The following IGSF5 variants were observed in gnomAD, a reference collection of about 807,000 sequenced individuals.
IGSF5 encodes immunoglobulin superfamily 5 like.
Under a neutral mutation model 39.4 loss-of-function variants are expected in IGSF5, and 41 were observed. That is an observed-to-expected ratio of 1.04 (90% confidence interval 0.81 to 1.35). The LOEUF (loss-of-function observed/expected upper bound fraction) is 1.35, where lower values mean the gene tolerates loss of function less well. Among genes scored for constraint, IGSF5 ranks in the 40% most tolerant of loss-of-function variants. IGSF5 has a pLI of 0.00. For synonymous variants in IGSF5, 183 were observed against 175.3 expected (o/e 1.04, Z -0.34); for missense variants, 487 against 494.6 (o/e 0.98, Z 0.15).
intron 2 of IGSF5, among the ~76,000 whole-genome samples, chr21:39,754,421 C>T (rs1291845072): frequency 6.6e-6 from 1 of 152,178 alleles, no homozygotes; most frequent in Non-Finnish European, 1.5e-5. Context: ...GAGCTTCTTG[C>T]CGTTGCCCCA....
In IGSF5 at chr21:39,763,459, C is replaced by T. The variant is rs144652826; in HGVS notation, c.101-2076C>T. Among the ~76,000 whole-genome samples the T allele has an allele frequency of 8.2e-3, 1,244 of 152,312 alleles. 5 individuals carry two copies. The highest frequency in any genetic ancestry group is 0.013 in the Admixed American group (202 of 15,306). On this transcript the variant is annotated intron_variant, in intron 2 of 8. Transcript: ENST00000380588. ...GCTCCCTCCTCCCTCCTTTTCATCT[C>T]CCAGCTGCAGAATAGGGTTATTTGG...
chr21:39,760,835 G>C (rs1255969205), intron 2 of IGSF5, among the ~76,000 whole-genome samples: 1 of 152,184 alleles, frequency 6.6e-6, no homozygotes, highest in Non-Finnish European at 1.5e-5. Context: ...CTACCAAAGT[G>C]CTGGGATTAC....
chr21:39,743,395 A>C (rs1429376335), upstream of IGSF5, among the ~76,000 whole-genome samples: 1 of 152,246 alleles, frequency 6.6e-6, no homozygotes, highest in Non-Finnish European at 1.5e-5. Context: ...GTAAAACATC[A>C]ATATAGCCAT....
the IGSF5 span, among the ~76,000 whole-genome samples, chr21:39,731,337 C>A: frequency 2.0e-5 from 3 of 151,936 alleles, no homozygotes; most frequent in Non-Finnish European, 4.4e-5. Flanking sequence ...GAATCTGAAC[C>A]CTGTGAGTGC....
At chr21:39,757,650 C>T (rs964258102) in intron 2 of IGSF5, among the ~76,000 whole-genome samples, 3 of 151,066 alleles carry the variant, frequency 2.0e-5, no homozygotes, top group Non-Finnish European at 2.9e-5. Flanking sequence ...GATCTCTGCT[C>T]ACTGCAACCT....
chr21:39,721,171 T>G, the IGSF5 span, among the ~76,000 whole-genome samples: 2 of 152,250 alleles, frequency 1.3e-5, no homozygotes, highest in Non-Finnish European at 2.9e-5. Context: ...AGGGAGACTC[T>G]GAAGTCAATG....
At chr21:39,779,445 C>T (rs1239663873) in intron 5 of IGSF5, 140 bp downstream of exon 5, 1 of 1,125,962 alleles carries the variant, frequency 8.9e-7, no homozygotes, top group African/African-American at 1.6e-5. Context: ...TGTGGTTGCA[C>T]ACTGTTGGTG....
chr21:39,788,287 GGA>G (rs2086936480), intron 6 of IGSF5, 99 bp downstream of exon 6: 14 of 877,998 alleles, frequency 1.6e-5, no homozygotes, highest in Non-Finnish European at 2.5e-5. Context: ...CGGGATTTTT[GGA>G]TTTATGTTAT....
chr21:39,787,579 TG>T (rs1302955841), intron 5 of IGSF5, among the ~76,000 whole-genome samples: 1 of 100,598 alleles, frequency 9.9e-6, no homozygotes, highest in East Asian at 2.9e-4. Flanking sequence ...TTTGGTGGGG[TG>T]GGGGCACAAC....
chr21:39,732,744 A>C, the IGSF5 span, among the ~76,000 whole-genome samples: 1 of 152,324 alleles, frequency 6.6e-6, no homozygotes, highest in Non-Finnish European at 1.5e-5. Flanking sequence ...TATAATTCCA[A>C]GCCGGGAGTG....
intron 2 of IGSF5, among the ~76,000 whole-genome samples, chr21:39,764,347 T>C (rs1350818904): frequency 6.6e-6 from 1 of 152,178 alleles, no homozygotes; most frequent in African/African-American, 2.4e-5. Context: ...AGAACCTGCC[T>C]TGCCATTTTT....
Position 39,801,289 on chromosome 21 carries a change from G to T in IGSF5, c.1156G>T (p.Ala386Ser). 1.2e-6 allele frequency: 2 copies of T among 1,614,104 alleles called. No individual in the cohort carries two copies. Among genetic ancestry groups the T allele is most frequent in the South Asian group, 2.2e-5 (2 of 91,064 alleles). ...GGCTGATCAACGTCCACCCAGGCCAGCAAGTCATCCACAGGCTTCTTTTAA... is the reference window on the plus strand; with the variant it reads ...GGCTGATCAACGTCCACCCAGGCCATCAAGTCATCCACAGGCTTCTTTTAA... ...QRADQRPPRP[A>S]SHPQASFNLA... Residue 386 changes from alanine to serine, a missense_variant, in exon 9 of 9, where the codon GCA becomes TCA. Physicochemically the swap from Ala to Ser is moderately conservative, Grantham distance 99. Transcript: ENST00000380588.
chr21:39,765,806 C>T lies in IGSF5; in HGVS notation c.372C>T (p.Ser124=), dbSNP rs758926676. The T allele has an allele frequency of 8.1e-6, 13 of 1,613,932 alleles. No individual in the cohort carries two copies. The highest frequency in any genetic ancestry group is 8.5e-7 in the Non-Finnish European group (1 of 1,179,956). ...EPSDSGNIRC[S]LQNSRLHGSA... is the part of the protein sequence containing the mutation. ...GTGATTCGGGGAACATCAGATGCAG[C>T]CTCCAGAACAGTCGCCTGCATGGAT... Residue 124 remains serine, a synonymous_variant, in exon 3 of 9, where the codon AGC becomes AGT. Coordinates refer to ENST00000380588, the MANE Select transcript of IGSF5 (RefSeq NM_001080444.2).
chr21:39,745,606 T>C (rs425320), intron 1 of IGSF5, 80 bp downstream of exon 1: 575,025 of 701,968 alleles, frequency 0.82, 236,679 homozygotes, highest in Admixed American at 0.88. Flanking sequence ...GCTGGGAGGT[T>C]GGGACGACAG....
chr21:39,797,801 A>G (rs527307981), intron 8 of IGSF5, among the ~76,000 whole-genome samples: 217 of 152,318 alleles, frequency 1.4e-3, no homozygotes, highest in Non-Finnish European at 2.2e-3. Context: ...GATTATAAGC[A>G]TGAGCCACTG....
At chr21:39,755,512 G>A (rs71316138) in intron 2 of IGSF5, among the ~76,000 whole-genome samples, 122,937 of 150,628 alleles carry the variant, frequency 0.82, 50,351 homozygotes, top group Admixed American at 0.86. Flanking sequence ...GCATGAACCT[G>A]GGAGGTGGAG....
chr21:39,718,119 G>C, the IGSF5 span, among the ~76,000 whole-genome samples: 1 of 151,822 alleles, frequency 6.6e-6, no homozygotes, highest in African/African-American at 2.4e-5. Context: ...ATTGAGAGTG[G>C]GATTGCCTTT....
At chr21:39,768,858 C>T (rs921298847) in intron 3 of IGSF5, among the ~76,000 whole-genome samples, 3 of 152,160 alleles carry the variant, frequency 2.0e-5, no homozygotes, top group South Asian at 2.1e-4. Flanking sequence ...AGAGCCGACC[C>T]AGTTCACTGT....
chr21:39,790,858 T>C (rs2086959964), intron 6 of IGSF5, among the ~76,000 whole-genome samples: 1 of 152,154 alleles, frequency 6.6e-6, no homozygotes, highest in Admixed American at 6.6e-5. Flanking sequence ...TAAAAAGTAA[T>C]ACAAAATAAA....
Sources: gnomAD v4.1 joint callset for allele counts (sites outside exome capture counted in the v4.1 genomes callset) on GRCh38, gnomAD v4.1.1 for gene constraint, MANE v1.5 for transcripts, NCBI Gene and HGNC (gene_info 2026-07-23, HGNC 2026-07-21) for gene names.